The following DGKG variants were observed in gnomAD, a reference collection of about 807,000 sequenced individuals.
DGKG encodes the protein diacylglycerol kinase gamma.
DGKG carries 78 observed loss-of-function variants against 105.3 expected under a neutral mutation model. That is an observed-to-expected ratio of 0.74 (90% CI 0.62 to 0.89). DGKG has a LOEUF of 0.89. DGKG is among the 40% of genes least tolerant of loss of function. DGKG has a pLI of 0.00. For missense variants in DGKG, 958 were observed against 1,020.1 expected (o/e 0.94, Z 0.83); for synonymous variants, 346 against 367.1 (o/e 0.94, Z 0.66).
At chr3:186,272,206 G>T in intron 11 of DGKG, 49 bp downstream of exon 11, 1 of 1,431,004 alleles carries the variant, frequency 7.0e-7, no homozygotes, top group Non-Finnish European at 9.9e-7. Context: ...TGATGGACAT[G>T]TTTCCTGGAT....
chr3:186,227,396 C>T (rs528682408), intron 20 of DGKG, among the ~76,000 whole-genome samples: 166 of 152,306 alleles, frequency 1.1e-3, no homozygotes, highest in Middle Eastern at 6.8e-3. Context: ...GAGTAACTTT[C>T]CCAATGGCAC....
intron 3 of DGKG, among the ~76,000 whole-genome samples, chr3:186,298,891 C>T (rs1190814299): frequency 6.6e-6 from 1 of 152,174 alleles, no homozygotes; most frequent in East Asian, 1.9e-4. Flanking sequence ...TCTGGCTCAG[C>T]TGCTTCTCAA....
intron 12 of DGKG, 138 bp from the exon 13 acceptor site, chr3:186,267,915 G>A (rs1578751531): frequency 1.3e-6 from 1 of 741,082 alleles, no homozygotes; most frequent in East Asian, 2.7e-5. Flanking sequence ...TGACAGTATT[G>A]CCGTGTGTGT....
At chr3:186,259,771 C>T (rs1455218614) in intron 16 of DGKG, among the ~76,000 whole-genome samples, 1 of 152,058 alleles carries the variant, frequency 6.6e-6, no homozygotes, top group African/African-American at 2.4e-5. Flanking sequence ...GCCTTCTAGC[C>T]CAGGTGCTGT....
At chr3:186,286,861 C>T (rs1723093931) in intron 6 of DGKG, among the ~76,000 whole-genome samples, 1 of 151,982 alleles carries the variant, frequency 6.6e-6, no homozygotes, top group Non-Finnish European at 1.5e-5. Flanking sequence ...TGGTGAGACT[C>T]CGTATCTACC....
chr3:186,181,499 G>A (rs937665111), intron 22 of DGKG, among the ~76,000 whole-genome samples: 3 of 152,210 alleles, frequency 2.0e-5, no homozygotes, highest in East Asian at 1.9e-4. Flanking sequence ...TTTGGAGGCC[G>A]AGGTGGGCGA....
chr3:186,282,196 C>T (rs1468483888), intron 7 of DGKG, among the ~76,000 whole-genome samples: 3 of 152,094 alleles, frequency 2.0e-5, no homozygotes, highest in African/African-American at 7.2e-5. Flanking sequence ...ATTTTGGCCT[C>T]CCTGTTGGAT....
At chr3:186,192,740 T>G (rs1717966834) in intron 21 of DGKG, among the ~76,000 whole-genome samples, 1 of 152,186 alleles carries the variant, frequency 6.6e-6, no homozygotes, top group Admixed American at 6.5e-5. Flanking sequence ...AAAATTAAAC[T>G]TCCAGCTGTT....
At chr3:186,239,027 GAAAAAT>G (rs952814432) in intron 20 of DGKG, among the ~76,000 whole-genome samples, 9 of 152,142 alleles carry the variant, frequency 5.9e-5, no homozygotes, top group African/African-American at 2.2e-4. Context: ...ATTCTCTGCA[GAAAAAT>G]ACATTCAGTA....
intron 1 of DGKG, among the ~76,000 whole-genome samples, chr3:186,348,966 G>A (rs767283313): frequency 1.3e-5 from 2 of 151,680 alleles, no homozygotes; most frequent in Non-Finnish European, 2.9e-5. Context: ...TTGAAGTAAT[G>A]TCAGGAAATT....
At chr3:186,213,660 T>C (rs1719143575) in intron 20 of DGKG, among the ~76,000 whole-genome samples, 1 of 152,144 alleles carries the variant, frequency 6.6e-6, no homozygotes, top group African/African-American at 2.4e-5. Flanking sequence ...AAGAATTACC[T>C]GGGGAATGTG....
chr3:186,257,160 C>T (rs1430012187), intron 17 of DGKG, among the ~76,000 whole-genome samples: 1 of 152,178 alleles, frequency 6.6e-6, no homozygotes. Flanking sequence ...CCAGTGCTCC[C>T]CCGGCCGCTT....
intron 5 of DGKG, among the ~76,000 whole-genome samples, chr3:186,294,653 C>T (rs1181352398): frequency 1.3e-5 from 2 of 152,078 alleles, no homozygotes; most frequent in Non-Finnish European, 2.9e-5. Context: ...CACTTTCCTC[C>T]CTAGTATGAG....
In DGKG at chr3:186,345,888, C is replaced by A. The variant is rs565835381; in HGVS notation, c.-249+16058G>T. Among the ~76,000 whole-genome samples, 4 of 152,298 alleles carry A rather than the reference C, an allele frequency of 2.6e-5. No individual in the cohort carries two copies. The South Asian group carries it at 6.2e-4, about 24-fold the overall frequency. ...GAGTTCAAGCAATTCTCTGCCTCAGCCTCCTGAGTAGCTGGGATTACAGGT... is the reference window on the plus strand; with the variant it reads ...GAGTTCAAGCAATTCTCTGCCTCAGACTCCTGAGTAGCTGGGATTACAGGT... On this transcript the variant is annotated intron_variant, in intron 1 of 24. Coordinates refer to ENST00000265022, the MANE Select transcript of DGKG (RefSeq NM_001346.3).
intron 5 of DGKG, among the ~76,000 whole-genome samples, chr3:186,296,227 ATCTAAC>A (rs1723557052): frequency 6.6e-6 from 1 of 152,230 alleles, no homozygotes; most frequent in South Asian, 2.1e-4. Flanking sequence ...GCGTTAACAT[ATCTAAC>A]TCACTTAACC....
rs868710994 is a variant in DGKG, at chr3:186,302,499, T to C, written c.145-4270A>G. 4.7e-3 allele frequency among the ~76,000 whole-genome samples: 50 copies of C among 10,752 alleles called. 1 individual carries two copies. Among genetic ancestry groups the C allele is most frequent in the African/African-American group, 0.021 (43 of 2,018 alleles). 7.1% of individuals were successfully genotyped at this position (10,752 alleles called of 152,430 possible). The stretch of plus-strand genomic sequence containing the variant: ...ATATATATATATATATATATATATA[T>C]ATATATACATATGTGTATATATATA... On this transcript the variant is annotated intron_variant, in intron 3 of 24. Transcript: ENST00000265022.
At chr3:186,204,824 G>A (rs915058088) in intron 21 of DGKG, among the ~76,000 whole-genome samples, 2 of 152,088 alleles carry the variant, frequency 1.3e-5, no homozygotes, top group African/African-American at 2.4e-5. Context: ...ATGCATTTTC[G>A]GATTGGCGTG....
chr3:186,344,339 T>A (rs560809587), intron 1 of DGKG, among the ~76,000 whole-genome samples: 1 of 152,208 alleles, frequency 6.6e-6, no homozygotes, highest in South Asian at 2.1e-4. Context: ...TGAGCATAAA[T>A]GCTCATCAGT....
chr3:186,189,693 C>G (rs1403475332), intron 21 of DGKG, among the ~76,000 whole-genome samples: 1 of 152,200 alleles, frequency 6.6e-6, no homozygotes. Context: ...CATAGTGACT[C>G]ACCTCCTGAT....
Sources: allele counts gnomAD v4.1 joint callset (sites outside exome capture counted in the v4.1 genomes callset), GRCh38; gene constraint gnomAD v4.1.1; transcripts MANE v1.5; gene names NCBI Gene and HGNC (gene_info 2026-07-23, HGNC 2026-07-21).